EYS: variants seen among roughly 807,000 people sequenced by gnomAD.
EYS encodes EGF-like photoreceptor maintenance factor, also known as protein eyes shut homolog.
A neutral mutation model predicts 282.1 loss-of-function variants in EYS; 250 were observed. The observed-to-expected ratio is 0.89, with a 90% CI of 0.80 to 0.98. EYS has a LOEUF of 0.98. EYS is among the 50% of genes least tolerant of loss of function. The probability of loss-of-function intolerance (pLI) is 0.00; values close to 1 mark genes in which losing one functional copy is unlikely to be tolerated. For missense variants in EYS, 4,016 were observed against 3,709.0 expected (o/e 1.08, Z -2.15); for synonymous variants, 1,355 against 1,282.9 (o/e 1.06, Z -1.20).
intron 11 of EYS, among the ~76,000 whole-genome samples, chr6:65,322,167 T>C (rs1769493166): frequency 6.6e-6 from 1 of 152,176 alleles, no homozygotes; most frequent in African/African-American, 2.4e-5. Flanking sequence ...GGTCACCTTT[T>C]TCTTCATTTT....
chr6:64,021,157 G>GAAA (rs66796703), intron 33 of EYS, among the ~76,000 whole-genome samples: 2 of 145,630 alleles, frequency 1.4e-5, no homozygotes, highest in Non-Finnish European at 3.0e-5. Context: ...GTTTTCAAGG[G>GAAA]AAAAAAAAAA....
intron 12 of EYS, among the ~76,000 whole-genome samples, chr6:65,111,264 T>G (rs1184731823): frequency 6.6e-6 from 1 of 152,048 alleles, no homozygotes; most frequent in Non-Finnish European, 1.5e-5. Context: ...TTTTTATTTT[T>G]TGTTTGTTTG....
In EYS at chr6:64,895,811, A is replaced by T. The variant is rs527924660; in HGVS notation, c.2846+6302T>A. On this transcript the variant is annotated intron_variant, in intron 18 of 42. Coordinates refer to ENST00000503581, the MANE Select transcript of EYS (RefSeq NM_001142800.2). ...ATAAGAATACTTTACACCCATACTC[A>T]TACTTATACATACAATATACCTGAT... 1.7e-3 allele frequency among the ~76,000 whole-genome samples: 263 copies of T among 152,200 alleles called. 1 individual carries two copies. Among genetic ancestry groups the T allele is most frequent in the African/African-American group, 6.1e-3 (253 of 41,516 alleles).
chr6:65,482,867 T>A (rs1765655820), intron 5 of EYS, among the ~76,000 whole-genome samples: 1 of 152,194 alleles, frequency 6.6e-6, no homozygotes, highest in African/African-American at 2.4e-5. Context: ...TAGCTTTAAT[T>A]TAGTGAAACT....
chr6:63,961,754 C>G (rs1287048540), intron 35 of EYS, among the ~76,000 whole-genome samples: 2 of 152,038 alleles, frequency 1.3e-5, no homozygotes, highest in African/African-American at 4.8e-5. Flanking sequence ...ACCTAGTCAC[C>G]CCCTAAAGGT....
intron 5 of EYS, among the ~76,000 whole-genome samples, chr6:65,425,979 C>T (rs1277315305): frequency 1.1e-4 from 16 of 151,946 alleles, no homozygotes; most frequent in Admixed American, 1.1e-3. Flanking sequence ...CAGAAGAATT[C>T]CATTTTAAGT....
intron 12 of EYS, among the ~76,000 whole-genome samples, chr6:65,255,499 A>G (rs1448538730): frequency 1.3e-5 from 2 of 152,068 alleles, no homozygotes; most frequent in Non-Finnish European, 1.5e-5. Context: ...AACCAAAGCA[A>G]AATGTAAAAG....
intron 36 of EYS, among the ~76,000 whole-genome samples, chr6:63,826,839 A>C (rs1197380396): frequency 2.2e-5 from 2 of 92,338 alleles, no homozygotes; most frequent in African/African-American, 9.8e-5. Context: ...AATACAAGTT[A>C]AAAAGCAAAA....
rs566993625 is a variant in EYS at position 63,967,686 on chromosome 6, T to C, written c.7055+16697A>G. ...TGAATTTGTGAATATTTTGGAAATG[T>C]AGAAATCCATAATTAATCCCCATAA... On this transcript the variant is annotated intron_variant, in intron 35 of 42. Coordinates refer to ENST00000503581, the MANE Select transcript of EYS (RefSeq NM_001142800.2). Among the ~76,000 whole-genome samples, 4 of 152,326 alleles carry C rather than the reference T, an allele frequency of 2.6e-5. No individual in the cohort carries two copies. In the South Asian group the frequency reaches 8.3e-4, roughly 32 times the overall value.
chr6:65,672,110 G>A (rs1768409553), intron 1 of EYS, among the ~76,000 whole-genome samples: 1 of 152,098 alleles, frequency 6.6e-6, no homozygotes, highest in East Asian at 1.9e-4. Flanking sequence ...AGGACCTACA[G>A]TATAGCAGAC....
intron 22 of EYS, among the ~76,000 whole-genome samples, chr6:64,773,848 A>T (rs1044920202): frequency 1.3e-5 from 2 of 151,360 alleles, no homozygotes; most frequent in South Asian, 4.1e-4. Context: ...GCACATTTCA[A>T]GTTTTCAAAT....
chr6:64,570,618 G>A (rs552744165), intron 26 of EYS, among the ~76,000 whole-genome samples: 1 of 152,134 alleles, frequency 6.6e-6, no homozygotes, highest in Admixed American at 6.5e-5. Flanking sequence ...GCAAAAAAAA[G>A]CAGGGATTGC....
chr6:64,805,365 T>C (rs907147485), intron 22 of EYS, among the ~76,000 whole-genome samples: 2 of 151,986 alleles, frequency 1.3e-5, no homozygotes, highest in Non-Finnish European at 2.9e-5. Context: ...CTGTTACTCG[T>C]TTAAATTTTT....
chr6:65,319,204 CAAAAAA>C (rs55687610), intron 11 of EYS, among the ~76,000 whole-genome samples: 2 of 44,396 alleles, frequency 4.5e-5, no homozygotes, highest in Admixed American at 3.5e-4. Flanking sequence ...ACTAAAAATG[CAAAAAA>C]AAAAAAAAAA....
At chr6:64,479,803 C>G (rs562208125) in intron 26 of EYS, among the ~76,000 whole-genome samples, 2 of 151,884 alleles carry the variant, frequency 1.3e-5, no homozygotes, top group South Asian at 2.1e-4. Context: ...CAAAAAACAC[C>G]CAAATCTGCA....
chr6:65,198,149 C>T (rs72881778), intron 12 of EYS, among the ~76,000 whole-genome samples: 2 of 151,698 alleles, frequency 1.3e-5, no homozygotes, highest in African/African-American at 4.8e-5. Flanking sequence ...GACAGAAACA[C>T]ACACATTAGC....
intron 14 of EYS, among the ~76,000 whole-genome samples, chr6:64,955,744 C>T (rs1769681785): frequency 6.6e-6 from 1 of 152,108 alleles, no homozygotes; most frequent in Non-Finnish European, 1.5e-5. Context: ...ATGCAACGTC[C>T]CCGGGGGAGC....
intron 12 of EYS, among the ~76,000 whole-genome samples, chr6:65,256,581 C>T (rs112497314): frequency 0.46 from 30,119 of 65,840 alleles, 6,932 homozygotes; most frequent in East Asian, 0.8. Flanking sequence ...CATCCATGTC[C>T]CTACAAAGGA....
chr6:65,536,811 TA>T (rs1233690529), intron 2 of EYS, among the ~76,000 whole-genome samples: 1 of 152,146 alleles, frequency 6.6e-6, no homozygotes, highest in Non-Finnish European at 1.5e-5. Flanking sequence ...AAAGACTCAA[TA>T]TTGTCAGGTT....
Sources: gnomAD v4.1 joint callset for allele counts (sites outside exome capture counted in the v4.1 genomes callset) on GRCh38, gnomAD v4.1.1 for gene constraint, MANE v1.5 for transcripts, NCBI Gene and HGNC (gene_info 2026-07-23, HGNC 2026-07-21) for gene names.